Variants in RIPK1 observed in about 807,000 individuals in gnomAD.
RIPK1 encodes receptor-interacting serine/threonine-protein kinase 1.
A neutral mutation model predicts 62.4 loss-of-function variants in RIPK1; 27 were observed. The observed-to-expected ratio is 0.43, with a 90% CI of 0.32 to 0.60. The LOEUF is 0.60. Ranked by LOEUF, RIPK1 falls within the 20% of genes least tolerant of loss-of-function variation. The pLI is 0.07. For missense variants in RIPK1, 735 were observed against 831.0 expected (o/e 0.88, Z 1.42); for synonymous variants, 287 against 303.2 (o/e 0.95, Z 0.55).
chr6:3,113,585 A>G lies in RIPK1; in HGVS notation c.*246A>G, dbSNP rs1304817773. 4.4e-6 allele frequency: 2 copies of G among 454,962 alleles called. No individual in the cohort carries two copies. The highest frequency in any genetic ancestry group is 3.9e-5 in the African/African-American group (2 of 51,798). 28.2% of individuals were successfully genotyped at this position (454,962 alleles called of 1,614,324 possible). On this transcript the variant is annotated 3_prime_UTR_variant, in exon 11 of 11. Coordinates refer to ENST00000259808, the MANE Select transcript of RIPK1 (RefSeq NM_001354930.2). The surrounding 1 kb of genome is among the most constrained non-coding windows in gnomAD (Gnocchi z 5.0). ...GTGATCCTCCCGCCTCGGCCTTCCA[A>G]AGTGCTGGGATATCAGGCACTGAGC...
intron 9 of RIPK1, 35 bp from the exon 10 acceptor site, chr6:3,110,768 T>C (rs777480650): frequency 2.1e-6 from 3 of 1,409,836 alleles, no homozygotes; most frequent in African/African-American, 1.4e-5. Flanking sequence ...GCTTTTGATC[T>C]AGAATTACTT....
chr6:3,104,285 G>C lies in RIPK1; in HGVS notation c.976G>C (p.Val326Leu). The C allele has an allele frequency of 6.2e-7, 1 of 1,600,954 alleles. No individual in the cohort carries two copies. The highest frequency in any genetic ancestry group is 8.6e-7 in the Non-Finnish European group (1 of 1,169,106). ...KRMQSLQLDC[V>L]AVPSSRSNSA... ...AATGCAGTCTCTTCAACTTGATTGT[G>C]TGGCAGTACCTTCAAGCCGGTCAAA... The change falls in exon 8 of 11, where the codon GTG (valine) becomes CTG (leucine). Residue 326 changes from valine to leucine, a missense_variant. This residue lies in a region of RIPK1 where 671 missense variants were observed against 726.2 expected (regional missense o/e 0.92). Coordinates refer to ENST00000259808, the MANE Select transcript of RIPK1 (RefSeq NM_001354930.2).
chr6:3,087,073 T>C lies in RIPK1; in HGVS notation c.838+1665T>C, dbSNP rs560367266. Among the ~76,000 whole-genome samples, 246 of 152,372 alleles carry C rather than the reference T, an allele frequency of 1.6e-3. 1 individual carries two copies. The highest frequency in any genetic ancestry group is 5.8e-3 in the African/African-American group (241 of 41,592). ...TAGAGAACTTTCCTTAATCATTCTT[T>C]TAGGATATGTCTGAACTCTGTCATT... On this transcript the variant is annotated intron_variant, in intron 6 of 10. Transcript: ENST00000259808.
At chr6:3,068,430 G>A, upstream of RIPK1, 1 of 985,480 alleles carries the variant, frequency 1.0e-6, no homozygotes, top group Non-Finnish European at 1.2e-6. Context: ...CGAGCGGCGG[G>A]GCGGCGCTCT....
chr6:3,083,391 A>G, intron 5 of RIPK1, 78 bp downstream of exon 5: 1 of 1,258,242 alleles, frequency 7.9e-7, no homozygotes. Context: ...GGTGCCCAGT[A>G]AATTTTTGTT....
Position 3,076,930 on chromosome 6 carries a change from A to G in RIPK1, c.107A>G (p.His36Arg), listed in dbSNP as rs1338295200. 6.2e-7 allele frequency: 1 copy of G among 1,612,356 alleles called. No homozygotes were observed. Among genetic ancestry groups the G allele is most frequent in the Non-Finnish European group, 8.5e-7 (1 of 1,179,366 alleles). ...TTTGGGAAGGTGTCTCTGTGTTTCC[A>G]CAGAACCCAGGGACTCATGATCATG... The part of the protein sequence containing the change: ...GGFGKVSLCF[H>R]RTQGLMIMKT... Residue 36 changes from histidine to arginine, a missense_variant, in exon 2 of 11, where the codon CAC (histidine) becomes CGC (arginine). Physicochemically the swap from His to Arg is conservative, Grantham distance 29. This residue lies in a region of RIPK1 where 671 missense variants were observed against 726.2 expected (regional missense o/e 0.92). Transcript: ENST00000259808.
chr6:3,069,965 T>G (rs957216452), intron 1 of RIPK1, among the ~76,000 whole-genome samples: 14 of 152,006 alleles, frequency 9.2e-5, no homozygotes, highest in Non-Finnish European at 2.1e-4. Context: ...GAGCCGAGAT[T>G]GCCACTTACA....
intron 1 of RIPK1, among the ~76,000 whole-genome samples, chr6:3,071,492 C>T (rs752162193): frequency 1.6e-4 from 25 of 152,258 alleles, no homozygotes; most frequent in Non-Finnish European, 2.9e-4. Flanking sequence ...ATGTCTTTGT[C>T]ACTCTGTGTC....
intron 5 of RIPK1, among the ~76,000 whole-genome samples, chr6:3,083,916 G>A (rs373055483): frequency 5.6e-4 from 85 of 152,126 alleles, no homozygotes; most frequent in Middle Eastern, 6.8e-3. Flanking sequence ...ACATCCTGTC[G>A]ACACTGTCCT....
chr6:3,068,148 T>C (rs995385804), upstream of RIPK1: 2 of 934,440 alleles, frequency 2.1e-6, no homozygotes, highest in Non-Finnish European at 2.6e-6. Context: ...GGCTGCAAAA[T>C]AATCACATTT....
chr6:3,078,908 G>GTTT (rs553688687), intron 3 of RIPK1, among the ~76,000 whole-genome samples: 1 of 146,358 alleles, frequency 6.8e-6, no homozygotes, highest in Non-Finnish European at 1.5e-5. Flanking sequence ...GTGTGATGGG[G>GTTT]TTTTTTTTTT....
At chr6:3,080,665 G>A (rs1007062486) in intron 3 of RIPK1, among the ~76,000 whole-genome samples, 17 of 152,080 alleles carry the variant, frequency 1.1e-4, no homozygotes, top group Admixed American at 3.3e-4. Flanking sequence ...TACAATCCTA[G>A]GTTCTAAAGA....
intron 7 of RIPK1, among the ~76,000 whole-genome samples, chr6:3,097,759 A>G (rs1416848525): frequency 3.3e-5 from 5 of 152,178 alleles, no homozygotes; most frequent in Non-Finnish European, 7.3e-5. Context: ...TTTTAAATGA[A>G]TGTTTAAAAC....
At chr6:3,101,909 C>T (rs1760605537) in intron 7 of RIPK1, among the ~76,000 whole-genome samples, 1 of 152,006 alleles carries the variant, frequency 6.6e-6, no homozygotes, top group Non-Finnish European at 1.5e-5. Context: ...TTTTATCATC[C>T]CAAACTGAAA....
At chr6:3,069,706 T>C (rs1339659446) in intron 1 of RIPK1, among the ~76,000 whole-genome samples, 1 of 152,174 alleles carries the variant, frequency 6.6e-6, no homozygotes, top group African/African-American at 2.4e-5. Flanking sequence ...GAGGAAATTG[T>C]CTTGTTAGAA....
intron 4 of RIPK1, 31 bp from the exon 5 acceptor site, chr6:3,083,054 A>G (rs749621520): frequency 1.2e-6 from 2 of 1,607,336 alleles, no homozygotes; most frequent in African/African-American, 1.3e-5. Context: ...GCCTTCACCA[A>G]ACAATCCCAG....
chr6:3,111,069 T>G, intron 10 of RIPK1, 114 bp downstream of exon 10: 1 of 616,704 alleles, frequency 1.6e-6, no homozygotes, highest in Non-Finnish European at 2.6e-6. Flanking sequence ...AGTTTTCTTA[T>G]GTTACTTCTG....
chr6:3,064,587 G>A (rs1581362234), upstream of RIPK1, among the ~76,000 whole-genome samples: 2 of 152,282 alleles, frequency 1.3e-5, no homozygotes, highest in Admixed American at 1.3e-4. Flanking sequence ...CAGAGCCTGC[G>A]GTCTGTGGGA....
upstream of RIPK1, among the ~76,000 whole-genome samples, chr6:3,066,215 G>A (rs1455557354): frequency 1.3e-5 from 2 of 152,078 alleles, no homozygotes; most frequent in African/African-American, 4.8e-5. Context: ...GTAGAGACGA[G>A]GTTTCATCAT....
Sources: allele counts gnomAD v4.1 joint callset (sites outside exome capture counted in the v4.1 genomes callset), GRCh38; gene constraint gnomAD v4.1.1; regional missense constraint gnomAD v4.1.1; non-coding constraint Gnocchi (gnomAD v3.1); transcripts MANE v1.5; gene names NCBI Gene and HGNC (gene_info 2026-07-23, HGNC 2026-07-21).